Variants in SGCD observed in about 807,000 individuals in gnomAD.
SGCD encodes the protein sarcoglycan delta.
SGCD carries 18 observed loss-of-function variants against 36.6 expected under a neutral mutation model. The observed-to-expected ratio is 0.49, with a 90% CI of 0.34 to 0.73. The LOEUF (loss-of-function observed/expected upper bound fraction) is 0.73. Among genes scored for constraint, SGCD ranks in the 30% least tolerant of loss-of-function variants. The pLI is 0.01. For missense variants in SGCD, 387 were observed against 346.7 expected (o/e 1.12, Z -0.92); for synonymous variants, 133 against 130.6 (o/e 1.02, Z -0.12).
At chr5:156,646,264 A>T (rs1763220656) in intron 6 of SGCD, among the ~76,000 whole-genome samples, 1 of 152,122 alleles carries the variant, frequency 6.6e-6, no homozygotes, top group African/African-American at 2.4e-5. Flanking sequence ...CCTGTCAATC[A>T]TTTGCCACCG....
intron 3 of SGCD, among the ~76,000 whole-genome samples, chr5:156,298,564 T>C (rs989267525): frequency 1.3e-4 from 19 of 149,974 alleles, no homozygotes; most frequent in Non-Finnish European, 2.5e-4. Flanking sequence ...TTGTTAAGTC[T>C]TTTTTTCTTT....
At chr5:156,466,161 G>A (rs2127822676) in intron 3 of SGCD, among the ~76,000 whole-genome samples, 1 of 152,272 alleles carries the variant, frequency 6.6e-6, no homozygotes, top group East Asian at 1.9e-4. Context: ...AAAACGCCAA[G>A]TCATATATTT....
chr5:155,790,663 T>C, the SGCD span, among the ~76,000 whole-genome samples: 1 of 152,074 alleles, frequency 6.6e-6, no homozygotes, highest in African/African-American at 2.4e-5. Context: ...TATTATAGAA[T>C]TGGTATAAAA....
At chr5:155,808,825 G>T in the SGCD span, among the ~76,000 whole-genome samples, 1 of 152,202 alleles carries the variant, frequency 6.6e-6, no homozygotes, top group African/African-American at 2.4e-5. Context: ...ATTCATGTAA[G>T]AAAGTGGATG....
intron 7 of SGCD, among the ~76,000 whole-genome samples, chr5:156,674,107 G>T (rs1201641739): frequency 6.6e-6 from 1 of 152,218 alleles, no homozygotes; most frequent in African/African-American, 2.4e-5. Context: ...GGCTTCTTCT[G>T]ATTGCCTACC....
At chr5:155,913,408 T>C (rs1756670100) in intron 1 of SGCD, among the ~76,000 whole-genome samples, 1 of 152,088 alleles carries the variant, frequency 6.6e-6, no homozygotes, top group Admixed American at 6.6e-5. Flanking sequence ...AAAAATCAAC[T>C]TTAGACCAGG....
rs1219955252 is a variant in SGCD at position 156,763,468 on chromosome 5, A to ATTCT, written c.*4081_*4084dup. 3.3e-5 allele frequency: 5 copies of ATTCT among 152,592 alleles called. No individual in the cohort carries two copies. The highest frequency in any genetic ancestry group is 6.5e-5 in the Admixed American group (1 of 15,284). The allele number at this position is 152,592 out of a possible 1,614,324, so 9.5% of individuals were successfully genotyped here. On this transcript the variant is annotated 3_prime_UTR_variant, in exon 9 of 9. Coordinates refer to ENST00000337851, the MANE Select transcript of SGCD (RefSeq NM_000337.6). Reference sequence around the variant, plus strand: ...ATGGGGACAAAAAAAATACAGTGAAATTCTTTTTATCAAACTGATGCTGTG... The same window carrying ATTCT: ...ATGGGGACAAAAAAAATACAGTGAAATTCTTTCTTTTTATCAAACTGATGCTGTG...
chr5:156,539,475 G>C (rs527739032), intron 4 of SGCD, among the ~76,000 whole-genome samples: 1 of 151,292 alleles, frequency 6.6e-6, no homozygotes, highest in South Asian at 2.1e-4. Context: ...TATCCTCATA[G>C]CTTAGCTCCC....
At chr5:156,559,750 G>A (rs1191643271) in intron 4 of SGCD, among the ~76,000 whole-genome samples, 1 of 152,108 alleles carries the variant, frequency 6.6e-6, no homozygotes, top group African/African-American at 2.4e-5. Context: ...ACTTCTATAG[G>A]AGACAGGCTT....
chr5:156,481,424 TA>T (rs1755421171), intron 3 of SGCD, among the ~76,000 whole-genome samples: 1 of 152,230 alleles, frequency 6.6e-6, no homozygotes, highest in Non-Finnish European at 1.5e-5. Context: ...GCCTTCTTGC[TA>T]AATCTTATGA....
intron 3 of SGCD, among the ~76,000 whole-genome samples, chr5:156,289,538 A>ATT (rs1766703684): frequency 6.6e-6 from 1 of 151,800 alleles, no homozygotes; most frequent in Admixed American, 6.6e-5. Flanking sequence ...GTTCCCACTT[A>ATT]TAAGTGAGAA....
intron 3 of SGCD, among the ~76,000 whole-genome samples, chr5:156,200,666 A>G (rs1764124946): frequency 6.6e-6 from 1 of 152,174 alleles, no homozygotes. Context: ...CCATTATGCA[A>G]ACTAGTATGG....
At chr5:156,395,542 TTGC>T (rs145498431) in intron 3 of SGCD, among the ~76,000 whole-genome samples, 2,079 of 152,280 alleles carry the variant, frequency 0.014, 22 homozygotes, top group Non-Finnish European at 0.023. Flanking sequence ...TCTGGGAAGG[TTGC>T]TGCATTTTGT....
chr5:156,185,841 A>ATGTGTGTGTGTGTGTG (rs1763734185), intron 3 of SGCD, among the ~76,000 whole-genome samples: 2 of 28,650 alleles, frequency 7.0e-5, no homozygotes, highest in Non-Finnish European at 1.6e-4. Context: ...GTGTATATAT[A>ATGTGTGTGTGTGTGTG]TATATATATA....
intron 6 of SGCD, among the ~76,000 whole-genome samples, chr5:156,607,188 T>A (rs1316395482): frequency 6.6e-6 from 1 of 152,228 alleles, no homozygotes; most frequent in Non-Finnish European, 1.5e-5. Flanking sequence ...GGGTTTGTCA[T>A]AGATAGCTCT....
At chr5:156,639,055 T>C (rs1405009678) in intron 6 of SGCD, among the ~76,000 whole-genome samples, 2 of 151,940 alleles carry the variant, frequency 1.3e-5, no homozygotes, top group Non-Finnish European at 1.5e-5. Context: ...ATAAAATATA[T>C]CTACCATCTA....
chr5:156,195,734 CTGTT>C (rs1445148776), intron 3 of SGCD, among the ~76,000 whole-genome samples: 1 of 152,162 alleles, frequency 6.6e-6, no homozygotes, highest in Non-Finnish European at 1.5e-5. Context: ...ATCTCCTAGT[CTGTT>C]TGTGGTTCCC....
chr5:156,512,657 T>A (rs1048183483), intron 4 of SGCD, among the ~76,000 whole-genome samples: 4 of 152,224 alleles, frequency 2.6e-5, no homozygotes, highest in African/African-American at 9.6e-5. Flanking sequence ...TAAGTTACAA[T>A]CTGATAAGTT....
At chr5:156,732,952 G>T (rs1253642537) in intron 7 of SGCD, among the ~76,000 whole-genome samples, 2 of 151,452 alleles carry the variant, frequency 1.3e-5, no homozygotes, top group African/African-American at 4.8e-5. Context: ...GTGTTTATTT[G>T]AATCTTCTCT....
Sources: gnomAD v4.1 joint callset for allele counts (sites outside exome capture counted in the v4.1 genomes callset) on GRCh38, gnomAD v4.1.1 for gene constraint, MANE v1.5 for transcripts, NCBI Gene and HGNC (gene_info 2026-07-23, HGNC 2026-07-21) for gene names.